CBFB: variants seen among roughly 807,000 people sequenced by gnomAD.
CBFB encodes CBF-beta.
Under a neutral mutation model 30.4 loss-of-function variants are expected in CBFB, and 9 were observed. That is an observed-to-expected ratio of 0.30 (90% confidence interval 0.18 to 0.52). The LOEUF (loss-of-function observed/expected upper bound fraction) is 0.52. Ranked by LOEUF, CBFB falls within the 20% of genes least tolerant of loss-of-function variation. The pLI, the probability that CBFB is intolerant of heterozygous loss-of-function variation, is 0.97. For missense variants in CBFB, 170 were observed against 244.0 expected (o/e 0.70, Z 2.02); for synonymous variants, 94 against 84.0 (o/e 1.12, Z -0.65).
At chr16:67,070,453 A>G (rs1961187125) in intron 4 of CBFB, among the ~76,000 whole-genome samples, 1 of 152,234 alleles carries the variant, frequency 6.6e-6, no homozygotes. Flanking sequence ...TTTCAGAAAA[A>G]TAATAAATAA....
At chr16:67,065,922 C>CAT (rs1961038368) in intron 3 of CBFB, among the ~76,000 whole-genome samples, 1 of 151,996 alleles carries the variant, frequency 6.6e-6, no homozygotes, top group Non-Finnish European at 1.5e-5. Flanking sequence ...TCATAAGTCC[C>CAT]ATATAAAGGA....
intron 5 of CBFB, among the ~76,000 whole-genome samples, chr16:67,092,343 A>G (rs1284657800): frequency 6.6e-6 from 1 of 152,134 alleles, no homozygotes; most frequent in African/African-American, 2.4e-5. Context: ...GAGACTTAAA[A>G]TTTGTGCTTT....
intron 5 of CBFB, among the ~76,000 whole-genome samples, chr16:67,093,949 T>TTA (rs990460066): frequency 1.3e-5 from 2 of 152,184 alleles, no homozygotes; most frequent in African/African-American, 2.4e-5. Flanking sequence ...CTTATTCAGC[T>TTA]GTTAAGTTCT....
chr16:67,030,073 T>G, intron 2 of CBFB: 1 of 398,212 alleles, frequency 2.5e-6, no homozygotes, highest in Non-Finnish European at 4.4e-6. Flanking sequence ...CGAGCCAGAC[T>G]AAACAAGCGA....
At chr16:67,055,452 G>A (rs935739945) in intron 3 of CBFB, among the ~76,000 whole-genome samples, 8 of 131,558 alleles carry the variant, frequency 6.1e-5, no homozygotes, top group African/African-American at 2.3e-4. Context: ...TGCAAGCTCC[G>A]CCTCCCGGGT....
intron 4 of CBFB, among the ~76,000 whole-genome samples, chr16:67,071,851 G>C (rs1180752924): frequency 6.6e-6 from 1 of 152,118 alleles, no homozygotes; most frequent in Non-Finnish European, 1.5e-5. Flanking sequence ...CTCTTCTCCA[G>C]ATGTCTGTCT....
At position 67,041,105 on chromosome 16, in the gene CBFB, G is replaced by A. The variant is rs192485001; in HGVS notation, c.282+4350G>A. Reference sequence around the variant, plus strand: ...AGTGAGATGGGGAATAGTTTTGAGTGTTTAGTTTGCTTATATTTTAGGGAC... The same window carrying A: ...AGTGAGATGGGGAATAGTTTTGAGTATTTAGTTTGCTTATATTTTAGGGAC... On this transcript the variant is annotated intron_variant, in intron 3 of 5. Transcript: ENST00000412916. Among the ~76,000 whole-genome samples the A allele has an allele frequency of 3.1e-3, 474 of 152,236 alleles. 2 individuals are homozygous for A. The highest frequency in any genetic ancestry group is 5.5e-3 in the Non-Finnish European group (371 of 68,006).
chr16:67,092,698 C>CTCTTTTTTTTTT (rs1961925973), intron 5 of CBFB, among the ~76,000 whole-genome samples: 1 of 33,492 alleles, frequency 3.0e-5, no homozygotes, highest in African/African-American at 1.2e-4. Flanking sequence ...GTGGTGCAAT[C>CTCTTTTTTTTTT]TTTTTTTTTT....
At chr16:67,044,743 T>A (rs971781565) in intron 3 of CBFB, among the ~76,000 whole-genome samples, 2 of 152,210 alleles carry the variant, frequency 1.3e-5, no homozygotes, top group Non-Finnish European at 2.9e-5. Flanking sequence ...TGTTTGTTTA[T>A]ATACCATCCA....
intron 4 of CBFB, among the ~76,000 whole-genome samples, chr16:67,075,196 A>AGT (rs1555538289): frequency 2.4e-5 from 1 of 42,116 alleles, no homozygotes; most frequent in African/African-American, 1.2e-4. Flanking sequence ...TCTCAAAAAA[A>AGT]ATGTGTGTGT....
rs531962958 is a variant in CBFB, at chr16:67,085,658, C to A, written c.495+3350C>A. The stretch of plus-strand genomic sequence containing the variant: ...TACAGATGTGAACCACTGCACCCAG[C>A]CTAAAATTTAGTATCTTTTTTTTTT... On this transcript the variant is annotated intron_variant, in intron 5 of 5. Coordinates refer to ENST00000412916, the MANE Select transcript of CBFB (RefSeq NM_022845.3). Among the ~76,000 whole-genome samples, 12 of 150,522 alleles carry A rather than the reference C, an allele frequency of 8.0e-5. No individual in the cohort carries two copies. The South Asian group carries it at 2.5e-3, about 32-fold the overall frequency.
intron 5 of CBFB, among the ~76,000 whole-genome samples, chr16:67,098,111 GT>G: frequency 6.8e-6 from 1 of 146,134 alleles, no homozygotes; most frequent in Non-Finnish European, 1.5e-5. Flanking sequence ...TTGTTGTGGG[GT>G]TTTTTGTTTG....
At chr16:67,092,805 T>C (rs1961935781) in intron 5 of CBFB, among the ~76,000 whole-genome samples, 1 of 141,604 alleles carries the variant, frequency 7.1e-6, no homozygotes, top group Non-Finnish European at 1.5e-5. Context: ...CTCTGCCTCC[T>C]GGGTTCAGGC....
At chr16:67,076,952 T>G (rs1226669451) in intron 4 of CBFB, among the ~76,000 whole-genome samples, 1 of 152,186 alleles carries the variant, frequency 6.6e-6, no homozygotes, top group East Asian at 1.9e-4. Context: ...GCAGTTCAGT[T>G]ACTTTAACTA....
chr16:67,080,928 G>A (rs902182121), intron 4 of CBFB, among the ~76,000 whole-genome samples: 1 of 152,122 alleles, frequency 6.6e-6, no homozygotes, highest in Non-Finnish European at 1.5e-5. Flanking sequence ...TTTCCAAGGT[G>A]TGGCATAAAA....
intron 4 of CBFB, among the ~76,000 whole-genome samples, chr16:67,070,685 A>T (rs1961195301): frequency 6.6e-6 from 1 of 150,680 alleles, no homozygotes; most frequent in Non-Finnish European, 1.5e-5. Context: ...CCCTGTCTCT[A>T]CCAAAAAAAA....
intron 5 of CBFB, among the ~76,000 whole-genome samples, chr16:67,082,546 A>G (rs1451746445): frequency 2.6e-5 from 4 of 152,196 alleles, no homozygotes; most frequent in Non-Finnish European, 5.9e-5. Context: ...ATCATTTACT[A>G]TAATAAGGTA....
chr16:67,086,168 A>G (rs1961727733), intron 5 of CBFB, among the ~76,000 whole-genome samples: 2 of 152,204 alleles, frequency 1.3e-5, no homozygotes, highest in Non-Finnish European at 2.9e-5. Flanking sequence ...TGTGAATACA[A>G]GACTTCCACA....
intron 2 of CBFB, among the ~76,000 whole-genome samples, chr16:67,034,577 A>G (rs1304921170): frequency 6.6e-6 from 1 of 152,198 alleles, no homozygotes; most frequent in Non-Finnish European, 1.5e-5. Context: ...CTTCTGTCTC[A>G]GAGAGGGATC....
Sources: allele counts gnomAD v4.1 joint callset (sites outside exome capture counted in the v4.1 genomes callset), GRCh38; gene constraint gnomAD v4.1.1; transcripts MANE v1.5; gene names NCBI Gene and HGNC (gene_info 2026-07-23, HGNC 2026-07-21).